The following S100Z variants were observed in gnomAD, a reference collection of about 807,000 sequenced individuals.
S100Z encodes the protein S100 calcium binding protein Z, also known as protein S100-Z.
Under a neutral mutation model 8.5 loss-of-function variants are expected in S100Z, and 11 were observed. That is an observed-to-expected ratio of 1.30 (90% CI 0.82 to 2.15). The LOEUF (loss-of-function observed/expected upper bound fraction) is 2.15. Ranked by LOEUF, S100Z falls within the 30% of genes most tolerant of loss-of-function variation. The pLI, the probability that S100Z is intolerant of heterozygous loss-of-function variation, is 0.00. For missense variants in S100Z, 126 were observed against 117.9 expected (o/e 1.07, Z -0.32); for synonymous variants, 34 against 43.8 (o/e 0.78, Z 0.89).
chr5:76,914,852 G>A (rs149852211), intron 4 of S100Z, among the ~76,000 whole-genome samples: 138 of 152,186 alleles, frequency 9.1e-4, no homozygotes, highest in African/African-American at 3.1e-3. Flanking sequence ...TGAAGTCAGC[G>A]AGACCACGAA....
intron 2 of S100Z, among the ~76,000 whole-genome samples, chr5:76,874,603 T>TC (rs559108910): frequency 1.4e-3 from 216 of 152,160 alleles, no homozygotes; most frequent in African/African-American, 5.1e-3. Context: ...CGTTTCCCCC[T>TC]CCCCCACGTA....
the S100Z span, among the ~76,000 whole-genome samples, chr5:76,930,589 G>A: frequency 6.6e-6 from 1 of 152,150 alleles, no homozygotes; most frequent in Non-Finnish European, 1.5e-5. Flanking sequence ...TCAGCAAGAA[G>A]TTCTGCAGCT....
chr5:76,913,557 A>T (rs993824433), intron 4 of S100Z, among the ~76,000 whole-genome samples: 3 of 152,228 alleles, frequency 2.0e-5, no homozygotes, highest in East Asian at 1.9e-4. Context: ...GCAAAGAAAA[A>T]ATCCCAAACT....
chr5:76,951,337 G>A, the S100Z span, among the ~76,000 whole-genome samples: 4 of 152,328 alleles, frequency 2.6e-5, no homozygotes, highest in Admixed American at 2.0e-4. Flanking sequence ...ATGTGCACAT[G>A]TGCATATGCT....
At chr5:76,872,998 A>G (rs956724686) in intron 2 of S100Z, among the ~76,000 whole-genome samples, 14 of 152,202 alleles carry the variant, frequency 9.2e-5, no homozygotes, top group Admixed American at 3.9e-4. Flanking sequence ...ATAAATAAAT[A>G]AAATAAATAT....
chr5:76,941,713 C>G, the S100Z span, among the ~76,000 whole-genome samples: 1 of 145,526 alleles, frequency 6.9e-6, no homozygotes. Flanking sequence ...CCCACTCCAC[C>G]CCTCCCTTCC....
chr5:76,904,469 T>C (rs922357630), intron 4 of S100Z, among the ~76,000 whole-genome samples: 1 of 152,030 alleles, frequency 6.6e-6, no homozygotes, highest in Non-Finnish European at 1.5e-5. Flanking sequence ...TTAGTAGAGA[T>C]GGGGTTTCGC....
chr5:76,858,046 T>G (rs1260943535), intron 1 of S100Z, among the ~76,000 whole-genome samples: 1 of 152,194 alleles, frequency 6.6e-6, no homozygotes, highest in African/African-American at 2.4e-5. Context: ...AGAACCAGTT[T>G]TGCTTTGTCA....
chr5:76,883,596 G>C (rs1743490488), intron 4 of S100Z, among the ~76,000 whole-genome samples: 1 of 152,194 alleles, frequency 6.6e-6, no homozygotes, highest in South Asian at 2.1e-4. Flanking sequence ...GTTACCCAAA[G>C]GGTCTGTGAT....
chr5:76,925,024 G>T (rs1178000701), downstream of S100Z, among the ~76,000 whole-genome samples: 1 of 152,250 alleles, frequency 6.6e-6, no homozygotes, highest in African/African-American at 2.4e-5. Context: ...TTGCTGTTGG[G>T]TTGTCGAGCT....
chr5:76,851,807 A>T (rs1437576203), intron 1 of S100Z, among the ~76,000 whole-genome samples: 1 of 152,184 alleles, frequency 6.6e-6, no homozygotes, highest in African/African-American at 2.4e-5. Flanking sequence ...GTAAGATATT[A>T]TAAATTAAGT....
At chr5:76,874,856 A>G (rs2150639090) in intron 2 of S100Z, among the ~76,000 whole-genome samples, 1 of 152,126 alleles carries the variant, frequency 6.6e-6, no homozygotes, top group Non-Finnish European at 1.5e-5. Context: ...GCAAGGGTGG[A>G]ACACTCTTTA....
chr5:76,941,682 C>T, the S100Z span, among the ~76,000 whole-genome samples: 1 of 151,964 alleles, frequency 6.6e-6, no homozygotes, highest in South Asian at 2.1e-4. Context: ...TCAGGCTTCT[C>T]CACTGTAGAG....
intron 4 of S100Z, among the ~76,000 whole-genome samples, chr5:76,889,601 A>T (rs770965422): frequency 6.6e-6 from 1 of 152,274 alleles, no homozygotes; most frequent in Non-Finnish European, 1.5e-5. Flanking sequence ...TGGAAAAACA[A>T]TGTTAATTTC....
chr5:76,913,464 G>A (rs2150682525), intron 4 of S100Z, among the ~76,000 whole-genome samples: 1 of 152,314 alleles, frequency 6.6e-6, no homozygotes. Flanking sequence ...AACAGAATCA[G>A]GAAGGAGCCA....
At chr5:76,864,954 G>A (rs10440683) in intron 1 of S100Z, among the ~76,000 whole-genome samples, 91,813 of 151,732 alleles carry the variant, frequency 0.61, 27,860 homozygotes, top group East Asian at 0.67. Flanking sequence ...TGATCAGCCC[G>A]CCTCAGCCTC....
chr5:76,871,541 T>A (rs1164557677), intron 2 of S100Z, among the ~76,000 whole-genome samples: 6 of 121,780 alleles, frequency 4.9e-5, no homozygotes, highest in African/African-American at 1.3e-4. Context: ...TTTTTTTTTT[T>A]AGACAGAGTG....
chr5:76,918,157 A>G (rs555478045), intron 4 of S100Z, among the ~76,000 whole-genome samples: 6 of 152,286 alleles, frequency 3.9e-5, no homozygotes, highest in Admixed American at 6.5e-5. Context: ...TTTTCCACAC[A>G]TTTACTAACA....
chr5:76,936,633 A>ACACACACT, the S100Z span, among the ~76,000 whole-genome samples: 1 of 139,830 alleles, frequency 7.2e-6, no homozygotes. Flanking sequence ...ACACACACAC[A>ACACACACT]CACACACACA....
Sources: allele counts gnomAD v4.1 joint callset (sites outside exome capture counted in the v4.1 genomes callset), GRCh38; gene constraint gnomAD v4.1.1; transcripts MANE v1.5; gene names NCBI Gene and HGNC (gene_info 2026-07-23, HGNC 2026-07-21).